RBMXL1: variants seen among roughly 807,000 people sequenced by gnomAD.
RBMXL1 encodes RBMX like 1.
In RBMXL1, 18 loss-of-function variants were observed where a neutral mutation model predicts 29.0. The observed-to-expected ratio is 0.62, with a 90% CI of 0.43 to 0.92. The LOEUF is 0.92. Ranked by LOEUF, RBMXL1 falls within the 40% of genes least tolerant of loss-of-function variation. RBMXL1 has a pLI of 0.00. For missense variants in RBMXL1, 403 were observed against 495.8 expected (o/e 0.81, Z 1.78); for synonymous variants, 141 against 170.4 (o/e 0.83, Z 1.34).
Position 88,983,392 on chromosome 1 carries a change from T to A in RBMXL1, c.435A>T (p.Gly145=). Residue 145 remains glycine, a synonymous_variant, in exon 3 of 3, where the codon GGA becomes GGT. Transcript: ENST00000652648. ...GTGGTCCTCTTTTTACTGGGAGTGGTCCCCTGGAAGAACTCATGTTAAAAT... is the reference window on the plus strand; with the variant it reads ...GTGGTCCTCTTTTTACTGGGAGTGGACCCCTGGAAGAACTCATGTTAAAAT... The part of the protein sequence containing the change: ...SMNFNMSSSR[G]PLPVKRGPPP... The A allele has an allele frequency of 6.2e-7, 1 of 1,614,158 alleles. No individual in the cohort carries two copies. Among genetic ancestry groups the A allele is most frequent in the Non-Finnish European group, 8.5e-7 (1 of 1,180,026 alleles).
chr1:88,981,540 C>G lies in RBMXL1; in HGVS notation c.*1114G>C, dbSNP rs1177393657. ...TTATGAGTGTTAATCAACACTGATG[C>G]CTTCCTGAGATCCACAGGAACCCTT... is the stretch of plus-strand genomic sequence containing the variant. On this transcript the variant is annotated 3_prime_UTR_variant, in exon 3 of 3. Coordinates refer to ENST00000652648, the MANE Select transcript of RBMXL1 (RefSeq NM_001162536.3). 6.4e-6 allele frequency: 1 copy of G among 156,076 alleles called. No homozygotes were observed. The highest frequency in any genetic ancestry group is 6.5e-5 in the Admixed American group (1 of 15,290). The allele number at this position is 156,076 out of a possible 1,614,324, so 9.7% of individuals were successfully genotyped here. A position where few individuals can be genotyped will look rare whatever the true frequency, so the allele number is the denominator to read the frequency against.
Position 88,981,174 on chromosome 1 carries a change from G to C in RBMXL1, c.*1480C>G, listed in dbSNP as rs1454692405. ...TGGCCCAATTGTTTCCAGTGTGTTTGCCATCTTAGCATGGTTGTTACTTTC... is the reference window on the plus strand; with the variant it reads ...TGGCCCAATTGTTTCCAGTGTGTTTCCCATCTTAGCATGGTTGTTACTTTC... On this transcript the variant is annotated 3_prime_UTR_variant, in exon 3 of 3. Transcript: ENST00000652648. The C allele has an allele frequency of 3.3e-5, 5 of 152,286 alleles. No individual in the cohort carries two copies. The highest frequency in any genetic ancestry group is 6.8e-3 in the Middle Eastern group (2 of 294). The allele number at this position is 152,286 out of a possible 1,614,324, so 9.4% of individuals were successfully genotyped here.
At chr1:88,984,204 CTTTTTTTTTTTTT>C (rs908183722) in intron 2 of RBMXL1, 138 bp from the exon 3 acceptor site, 47 of 81,756 alleles carry the variant, frequency 5.7e-4, no homozygotes, top group African/African-American at 1.8e-3. Flanking sequence ...TTTTTTGTTG[CTTTTTTTTTTTTT>C]TTTTTTTTTT....
At position 88,982,359 on chromosome 1, in the gene RBMXL1, G is replaced by A. The variant is rs1677134852; in HGVS notation, c.*295C>T. On this transcript the variant is annotated 3_prime_UTR_variant, in exon 3 of 3. Coordinates refer to ENST00000652648, the MANE Select transcript of RBMXL1 (RefSeq NM_001162536.3). ...CTCATTTACTGGGAAAAACCAGATA[G>A]GAAGTGGTCTTTAGGGACACCTTTA... 4.0e-6 allele frequency: 3 copies of A among 744,530 alleles called. No homozygotes were observed. The highest frequency in any genetic ancestry group is 1.8e-5 in the African/African-American group (1 of 54,440). 46.1% of individuals were successfully genotyped at this position (744,530 alleles called of 1,614,324 possible). A position where few individuals can be genotyped will look rare whatever the true frequency, so the allele number is the denominator to read the frequency against.
At chr1:88,990,445 C>T (rs1225594399) in intron 1 of RBMXL1, among the ~76,000 whole-genome samples, 1 of 152,176 alleles carries the variant, frequency 6.6e-6, no homozygotes, top group African/African-American at 2.4e-5. Flanking sequence ...TCAGTTTTGA[C>T]CTTCATATTG....
intron 2 of RBMXL1, among the ~76,000 whole-genome samples, chr1:88,986,908 A>G (rs911824455): frequency 2.6e-5 from 4 of 152,230 alleles, no homozygotes; most frequent in African/African-American, 7.2e-5. Context: ...ACTATTTTAA[A>G]TGCAAAGCCT....
chr1:88,979,882 T>G lies in RBMXL1; in HGVS notation c.*2772A>C, dbSNP rs1428708843. ...GCTTGTACACAAATGTTCCTAACAG[T>G]TTTATTCACAGTAGCCCCAAACTGG... On this transcript the variant is annotated 3_prime_UTR_variant, in exon 3 of 3. Transcript: ENST00000652648. The G allele has an allele frequency of 1.3e-5, 2 of 152,152 alleles. No individual in the cohort carries two copies. The highest frequency in any genetic ancestry group is 2.9e-5 in the Non-Finnish European group (2 of 68,030). The allele number at this position is 152,152 out of a possible 1,614,324, so 9.4% of individuals were successfully genotyped here.
chr1:88,980,615 A>C lies in RBMXL1; in HGVS notation c.*2039T>G, dbSNP rs114799479. 50 of 152,658 alleles carry C rather than the reference A, an allele frequency of 3.3e-4. No homozygotes were observed. The highest frequency in any genetic ancestry group is 1.2e-3 in the African/African-American group (48 of 41,554). 9.5% of individuals were successfully genotyped at this position (152,658 alleles called of 1,614,324 possible). On this transcript the variant is annotated 3_prime_UTR_variant, in exon 3 of 3. Coordinates refer to ENST00000652648, the MANE Select transcript of RBMXL1 (RefSeq NM_001162536.3). The stretch of plus-strand genomic sequence containing the variant: ...AATCAAGATCTGATTCTTTTTCCAC[A>C]CGTCTGCTAGTTCAGTAAACTATTT...
rs749316431 is a variant in RBMXL1 at position 88,979,619 on chromosome 1, G to A, written c.*3035C>T. ...AGATGCTTACCAGCATTAGTCACCC[G>A]GGGAAATGAAAATAAAACCACAATG... On this transcript the variant is annotated 3_prime_UTR_variant, in exon 3 of 3. Coordinates refer to ENST00000652648, the MANE Select transcript of RBMXL1 (RefSeq NM_001162536.3). The A allele has an allele frequency of 2.6e-5, 4 of 152,106 alleles. No homozygotes were observed. The highest frequency in any genetic ancestry group is 6.5e-5 in the Admixed American group (1 of 15,274). The allele number at this position is 152,106 out of a possible 1,614,324, so 9.4% of individuals were successfully genotyped here. A position where few individuals can be genotyped will look rare whatever the true frequency, so the allele number is the denominator to read the frequency against.
chr1:88,990,361 C>T (rs1677715651), intron 1 of RBMXL1, among the ~76,000 whole-genome samples: 1 of 152,166 alleles, frequency 6.6e-6, no homozygotes. Context: ...TCTCCTTTTC[C>T]TCAATCTACG....
chr1:88,985,946 T>G (rs1183000424), intron 2 of RBMXL1, among the ~76,000 whole-genome samples: 1 of 151,282 alleles, frequency 6.6e-6, no homozygotes, highest in African/African-American at 2.4e-5. Flanking sequence ...TTTGGGAGGC[T>G]GAGGAGGGTG....
At chr1:88,991,267 AAAGC>A (rs1356607000) in intron 1 of RBMXL1, among the ~76,000 whole-genome samples, 1 of 152,244 alleles carries the variant, frequency 6.6e-6, no homozygotes, top group Non-Finnish European at 1.5e-5. Flanking sequence ...TAAGAAACTT[AAAGC>A]TCTAGACTTA....
At position 88,979,499 on chromosome 1, in the gene RBMXL1, A is replaced by G. The variant is rs1676967891; in HGVS notation, c.*3155T>C. On this transcript the variant is annotated 3_prime_UTR_variant, in exon 3 of 3. Transcript: ENST00000652648. ...AATACAGTATATATAAAGAACTTTT[A>G]CAACTCAATAAGACAAACAATCCAA... is the stretch of plus-strand genomic sequence containing the variant. 1 of 152,250 alleles carries G rather than the reference A, an allele frequency of 6.6e-6. No homozygotes were observed. The allele number at this position is 152,250 out of a possible 1,614,324, so 9.4% of individuals were successfully genotyped here. A position where few individuals can be genotyped will look rare whatever the true frequency, so the allele number is the denominator to read the frequency against.
chr1:88,983,630 G>A lies in RBMXL1; in HGVS notation c.197C>T (p.Ala66Val), dbSNP rs141476156. The change falls in exon 3 of 3, where the codon GCC becomes GTC. Residue 66 changes from alanine (A) to valine (V), a missense_variant. Transcript: ENST00000652648. ...FESPADAKDA[A>V]RDMNGKSLDG... Reference sequence around the variant, plus strand: ...TAATGACTTTCCATTCATGTCTCTGGCTGCATCCTTAGCGTCTGCTGGGCT... The same window carrying A: ...TAATGACTTTCCATTCATGTCTCTGACTGCATCCTTAGCGTCTGCTGGGCT... 6.1e-4 allele frequency: 979 copies of A among 1,604,222 alleles called. No homozygotes were observed. In the African/African-American group the frequency reaches 0.014, roughly 22 times the overall value.
intron 2 of RBMXL1, among the ~76,000 whole-genome samples, chr1:88,985,322 G>A (rs745525385): frequency 2.0e-5 from 3 of 152,176 alleles, no homozygotes; most frequent in Non-Finnish European, 2.9e-5. Flanking sequence ...CCCAATCACA[G>A]CTATAAATCA....
At chr1:88,987,984 C>T (rs992390895) in intron 2 of RBMXL1, among the ~76,000 whole-genome samples, 1 of 152,184 alleles carries the variant, frequency 6.6e-6, no homozygotes, top group African/African-American at 2.4e-5. Context: ...TCCCATGCCA[C>T]TGGACCTATA....
At chr1:88,990,514 T>A (rs895223029) in intron 1 of RBMXL1, among the ~76,000 whole-genome samples, 1 of 152,240 alleles carries the variant, frequency 6.6e-6, no homozygotes, top group Admixed American at 6.5e-5. Context: ...CAGCTTTAGA[T>A]ACTGGCAGGC....
In RBMXL1 at chr1:88,980,423, G is replaced by C. The variant is rs1677026250; in HGVS notation, c.*2231C>G. The C allele has an allele frequency of 6.9e-6, 1 of 145,322 alleles. No homozygotes were observed. Among genetic ancestry groups the C allele is most frequent in the Non-Finnish European group, 1.5e-5 (1 of 67,642 alleles). 9.0% of individuals were successfully genotyped at this position (145,322 alleles called of 1,614,324 possible). On this transcript the variant is annotated 3_prime_UTR_variant, in exon 3 of 3. Coordinates refer to ENST00000652648, the MANE Select transcript of RBMXL1 (RefSeq NM_001162536.3). ...TAACAAAATTATCTCATAGATTTTG[G>C]ATTTTTTTTTTTTTTGCCATGTTAA...
chr1:88,984,272 C>T (rs371644241), intron 2 of RBMXL1, among the ~76,000 whole-genome samples: 103 of 127,234 alleles, frequency 8.1e-4, no homozygotes, highest in Middle Eastern at 0.014. Context: ...TGGAGTGCAG[C>T]GGCGCAATCT....
Sources: allele counts gnomAD v4.1 joint callset (sites outside exome capture counted in the v4.1 genomes callset), GRCh38; gene constraint gnomAD v4.1.1; transcripts MANE v1.5; gene names NCBI Gene and HGNC (gene_info 2026-07-23, HGNC 2026-07-21).